The following AGMO variants were observed in gnomAD, a reference collection of about 807,000 sequenced individuals.
The protein encoded by AGMO is glyceryl-ether monooxygenase.
AGMO carries 75 observed loss-of-function variants against 60.2 expected under a neutral mutation model. That is an observed-to-expected ratio of 1.25 (90% confidence interval 1.03 to 1.51). AGMO has a LOEUF of 1.51. Among genes scored for constraint, AGMO ranks in the 40% most tolerant of loss-of-function variants. The pLI, the probability that AGMO is intolerant of heterozygous loss-of-function variation, is 0.00. For missense variants in AGMO, 763 were observed against 525.5 expected, an observed-to-expected ratio of 1.45 and a Z score of -4.42; for synonymous variants, 261 against 177.1, an observed-to-expected ratio of 1.47 and a Z score of -3.76.
chr7:15,127,718 A>C, the AGMO span, among the ~76,000 whole-genome samples: 1 of 152,130 alleles, frequency 6.6e-6, no homozygotes, highest in East Asian at 1.9e-4. Flanking sequence ...TTATATTTCT[A>C]TTTAAGCAAT....
intron 3 of AGMO, among the ~76,000 whole-genome samples, chr7:15,530,740 A>G (rs1040929947): frequency 2.1e-5 from 3 of 142,008 alleles, no homozygotes; most frequent in African/African-American, 7.7e-5. Flanking sequence ...TTCTATATAT[A>G]CATTTCTATA....
intron 10 of AGMO, among the ~76,000 whole-genome samples, chr7:15,381,743 T>A (rs549831190): frequency 6.6e-6 from 1 of 152,286 alleles, no homozygotes; most frequent in African/African-American, 2.4e-5. Context: ...GAAACACTAT[T>A]CACAATATCA....
intron 3 of AGMO, among the ~76,000 whole-genome samples, chr7:15,526,542 AT>A (rs1784133481): frequency 6.6e-6 from 1 of 152,134 alleles, no homozygotes. Flanking sequence ...CCTCCCTAAA[AT>A]TTATAAAACC....
chr7:15,446,697 T>C (rs1781707119), intron 3 of AGMO, among the ~76,000 whole-genome samples: 1 of 152,250 alleles, frequency 6.6e-6, no homozygotes. Flanking sequence ...TTAAGTAATT[T>C]CAGTGCATAT....
At chr7:15,173,561 C>G in the AGMO span, among the ~76,000 whole-genome samples, 3 of 151,532 alleles carry the variant, frequency 2.0e-5, no homozygotes. Context: ...ATTAACAGGG[C>G]AAAGAAATGT....
At chr7:15,471,430 A>G (rs1216339309) in intron 3 of AGMO, among the ~76,000 whole-genome samples, 1 of 151,924 alleles carries the variant, frequency 6.6e-6, no homozygotes, top group East Asian at 1.9e-4. Flanking sequence ...TAACTATAAA[A>G]ATGAGATCAT....
At chr7:15,445,021 T>C (rs1354557817) in intron 3 of AGMO, among the ~76,000 whole-genome samples, 1 of 152,336 alleles carries the variant, frequency 6.6e-6, no homozygotes, top group East Asian at 1.9e-4. Context: ...TTTCTCTTTA[T>C]GTATTTGTGA....
chr7:15,317,319 T>C (rs532941716), intron 12 of AGMO, among the ~76,000 whole-genome samples: 1 of 152,280 alleles, frequency 6.6e-6, no homozygotes, highest in African/African-American at 2.4e-5. Flanking sequence ...AGTAGTCAAG[T>C]AAAAGCTTAT....
chr7:15,301,120 TAA>T (rs781317306), intron 12 of AGMO, among the ~76,000 whole-genome samples: 81 of 152,264 alleles, frequency 5.3e-4, no homozygotes, highest in Middle Eastern at 3.4e-3. Context: ...TGGGTGAAAT[TAA>T]AAGTGTTATT....
intron 12 of AGMO, among the ~76,000 whole-genome samples, chr7:15,260,212 G>GAAA (rs753533328): frequency 2.7e-5 from 3 of 109,948 alleles, no homozygotes; most frequent in South Asian, 2.9e-4. Flanking sequence ...ACAGAGCGAG[G>GAAA]AAAAAAAAAA....
chr7:15,298,216 G>C (rs539957425), intron 12 of AGMO, among the ~76,000 whole-genome samples: 30 of 152,210 alleles, frequency 2.0e-4, no homozygotes, highest in Non-Finnish European at 3.2e-4. Flanking sequence ...GTATTAATGT[G>C]ATAAAAAATG....
chr7:15,253,081 A>G (rs2128507053), intron 12 of AGMO, among the ~76,000 whole-genome samples: 1 of 152,340 alleles, frequency 6.6e-6, no homozygotes, highest in South Asian at 2.1e-4. Context: ...TGAAGAACAA[A>G]GATTCATTTG....
At chr7:15,197,493 T>C (rs1388189024), downstream of AGMO, among the ~76,000 whole-genome samples, 1 of 152,246 alleles carries the variant, frequency 6.6e-6, no homozygotes, top group Non-Finnish European at 1.5e-5. Context: ...CACATATTGC[T>C]AAATATCAGG....
At chr7:15,300,187 G>A (rs1244735767) in intron 12 of AGMO, among the ~76,000 whole-genome samples, 1 of 152,144 alleles carries the variant, frequency 6.6e-6, no homozygotes, top group African/African-American at 2.4e-5. Flanking sequence ...ATACCCAAGA[G>A]ATCAAGTTAG....
intron 12 of AGMO, among the ~76,000 whole-genome samples, chr7:15,353,971 T>A (rs1186161651): frequency 6.6e-6 from 1 of 152,132 alleles, no homozygotes; most frequent in Non-Finnish European, 1.5e-5. Context: ...CCAATACATT[T>A]TGGAAAATTT....
intron 2 of AGMO, among the ~76,000 whole-genome samples, chr7:15,553,457 C>G (rs1157319577): frequency 1.3e-5 from 2 of 152,028 alleles, no homozygotes; most frequent in East Asian, 3.9e-4. Flanking sequence ...GCAGATTCAA[C>G]CATGGATTCA....
chr7:15,543,106 G>C (rs1185617962), intron 3 of AGMO, among the ~76,000 whole-genome samples: 1 of 152,054 alleles, frequency 6.6e-6, no homozygotes, highest in African/African-American at 2.4e-5. Context: ...CTGTCCATCT[G>C]CCATCTATTT....
At chr7:15,179,886 C>T in the AGMO span, among the ~76,000 whole-genome samples, 1 of 152,180 alleles carries the variant, frequency 6.6e-6, no homozygotes, top group Non-Finnish European at 1.5e-5. Context: ...TAAAGCCACA[C>T]TCAAGTTCAC....
chr7:15,413,589 T>C (rs1780675872), intron 5 of AGMO, among the ~76,000 whole-genome samples: 1 of 152,036 alleles, frequency 6.6e-6, no homozygotes, highest in African/African-American at 2.4e-5. Context: ...AAAAGACACA[T>C]TATCTATGAT....
Sources: allele counts gnomAD v4.1 joint callset (sites outside exome capture counted in the v4.1 genomes callset), GRCh38; gene constraint gnomAD v4.1.1; transcripts MANE v1.5; gene names NCBI Gene and HGNC (gene_info 2026-07-23, HGNC 2026-07-21).